Variants in MYO10 observed in about 807,000 individuals in gnomAD.
MYO10 encodes unconventional myosin-X.
A neutral mutation model predicts 257.3 loss-of-function variants in MYO10; 133 were observed. The observed-to-expected ratio is 0.52, with a 90% CI of 0.45 to 0.60. The LOEUF is 0.60. Ranked by LOEUF, MYO10 falls within the 20% of genes least tolerant of loss-of-function variation. The probability of loss-of-function intolerance (pLI) is 0.00; values close to 1 mark genes in which losing one functional copy is unlikely to be tolerated. For missense variants in MYO10, 2,399 were observed against 2,635.7 expected, an observed-to-expected ratio of 0.91 and a Z score of 1.97; for synonymous variants, 1,104 against 1,028.6, an observed-to-expected ratio of 1.07 and a Z score of -1.40.
At chr5:16,918,533 G>C (rs1390043931) in intron 1 of MYO10, among the ~76,000 whole-genome samples, 1 of 114,266 alleles carries the variant, frequency 8.8e-6, no homozygotes, top group African/African-American at 3.4e-5. Flanking sequence ...ACAGAGTTTC[G>C]CTCTTGTTGC....
At chr5:16,717,926 C>T (rs897609660) in intron 19 of MYO10, among the ~76,000 whole-genome samples, 1 of 152,232 alleles carries the variant, frequency 6.6e-6, no homozygotes, top group African/African-American at 2.4e-5. Context: ...GGAGCCCACT[C>T]CCTCAGCTTG....
intron 1 of MYO10, among the ~76,000 whole-genome samples, chr5:16,878,142 G>C (rs1168698399): frequency 1.3e-5 from 2 of 152,148 alleles, no homozygotes; most frequent in African/African-American, 4.8e-5. Flanking sequence ...GTTTAACTAG[G>C]TCTCAACAAG....
At chr5:16,703,966 C>T (rs967860732) in intron 22 of MYO10, among the ~76,000 whole-genome samples, 1 of 150,464 alleles carries the variant, frequency 6.6e-6, no homozygotes, top group South Asian at 2.1e-4. Flanking sequence ...AATGATAACA[C>T]CAAGGTGAAC....
intron 12 of MYO10, 100 bp from the exon 13 acceptor site, chr5:16,763,855 A>G (rs533887870): frequency 2.1e-5 from 17 of 793,896 alleles, no homozygotes; most frequent in Admixed American, 7.7e-5. Flanking sequence ...AAAAATATCA[A>G]TGCCTGTTGT....
intron 2 of MYO10, among the ~76,000 whole-genome samples, chr5:16,847,423 C>G (rs1324876579): frequency 7.4e-6 from 1 of 134,320 alleles, no homozygotes; most frequent in Non-Finnish European, 1.6e-5. Flanking sequence ...GACTCCACCT[C>G]AAAAAAAAAA....
At chr5:16,803,719 A>ATAC (rs1179034817) in intron 3 of MYO10, among the ~76,000 whole-genome samples, 1 of 152,244 alleles carries the variant, frequency 6.6e-6, no homozygotes, top group African/African-American at 2.4e-5. Context: ...AAAGGAAAGA[A>ATAC]TATGTAAAAT....
intron 27 of MYO10, among the ~76,000 whole-genome samples, chr5:16,691,614 ACTT>A (rs1200853192): frequency 6.6e-6 from 1 of 151,130 alleles, no homozygotes; most frequent in African/African-American, 2.4e-5. Flanking sequence ...CAGGAGAATC[ACTT>A]GAACCCTGGA....
At chr5:16,752,757 C>A (rs1362058604) in intron 19 of MYO10, among the ~76,000 whole-genome samples, 1 of 152,180 alleles carries the variant, frequency 6.6e-6, no homozygotes, top group Non-Finnish European at 1.5e-5. Flanking sequence ...ATACTGCCCA[C>A]CAGAGTGTAC....
intron 40 of MYO10, among the ~76,000 whole-genome samples, chr5:16,667,715 C>T (rs899301780): frequency 1.3e-5 from 2 of 152,168 alleles, no homozygotes; most frequent in African/African-American, 4.8e-5. Context: ...CCTCTCCACT[C>T]ACCACGTTGA....
chr5:16,694,277 C>A (rs1465942220), intron 27 of MYO10, 94 bp downstream of exon 27: 374 of 1,563,542 alleles, frequency 2.4e-4, no homozygotes, highest in Middle Eastern at 3.9e-4. Flanking sequence ...CTACAGGCTA[C>A]TGCCGCTGCA....
chr5:16,778,392 TTAACA>T (rs1197212309), intron 9 of MYO10, among the ~76,000 whole-genome samples: 1 of 152,168 alleles, frequency 6.6e-6, no homozygotes, highest in Non-Finnish European at 1.5e-5. Context: ...GGATGATACC[TTAACA>T]TGAGACAGCC....
chr5:16,715,830 TG>T (rs1363103206), intron 19 of MYO10, among the ~76,000 whole-genome samples: 1 of 151,968 alleles, frequency 6.6e-6, no homozygotes, highest in Non-Finnish European at 1.5e-5. Flanking sequence ...GCGAGGCAGG[TG>T]GATCACCTGA....
intron 2 of MYO10, among the ~76,000 whole-genome samples, chr5:16,822,243 A>G (rs907785823): frequency 3.3e-5 from 5 of 149,352 alleles, no homozygotes; most frequent in Non-Finnish European, 7.4e-5. Context: ...TACGTGACAA[A>G]CTAAACTTAA....
chr5:16,787,106 T>G (rs1411202893), intron 4 of MYO10, among the ~76,000 whole-genome samples: 2 of 151,946 alleles, frequency 1.3e-5, no homozygotes, highest in African/African-American at 4.8e-5. Context: ...GAGGCGGAGG[T>G]TGCAGTGAGC....
chr5:16,888,517 C>T (rs1204412540), intron 1 of MYO10, among the ~76,000 whole-genome samples: 3 of 151,780 alleles, frequency 2.0e-5, no homozygotes, highest in South Asian at 2.1e-4. Context: ...ACTACTTGAA[C>T]CCAGGAGGGA....
chr5:16,932,128 T>A lies in MYO10; in HGVS notation c.21+3660A>T, dbSNP rs78862809. Reference sequence around the variant, plus strand: ...GAAGAAACAGGTATGTCTGGAATATTTTCCACTAACAATTTATCCCTTAAA... The same window carrying A: ...GAAGAAACAGGTATGTCTGGAATATATTCCACTAACAATTTATCCCTTAAA... On this transcript the variant is annotated intron_variant, in intron 1 of 40. Coordinates refer to ENST00000513610, the MANE Select transcript of MYO10 (RefSeq NM_012334.3). Among the ~76,000 whole-genome samples, 547 of 152,360 alleles carry A rather than the reference T, an allele frequency of 3.6e-3. 4 individuals are homozygous for A. Among genetic ancestry groups the A allele is most frequent in the Middle Eastern group, 0.01 (3 of 294 alleles).
chr5:16,704,536 T>A, intron 22 of MYO10, 43 bp downstream of exon 22: 1 of 1,527,532 alleles, frequency 6.5e-7, no homozygotes, highest in South Asian at 1.1e-5. Flanking sequence ...AAGGACCCCC[T>A]CATGGAGCTT....
chr5:16,691,698 CA>C (rs34616596), intron 27 of MYO10, among the ~76,000 whole-genome samples: 24,721 of 134,006 alleles, frequency 0.18, 2,408 homozygotes, highest in East Asian at 0.32. Context: ...GACTCTGTAT[CA>C]AAAAAAAAAA....
chr5:16,928,223 T>C (rs576396301), intron 1 of MYO10, among the ~76,000 whole-genome samples: 4 of 152,170 alleles, frequency 2.6e-5, no homozygotes, highest in Non-Finnish European at 5.9e-5. Context: ...TATTACAATT[T>C]TGGAGACAGT....
Sources: gnomAD v4.1 joint callset for allele counts (sites outside exome capture counted in the v4.1 genomes callset) on GRCh38, gnomAD v4.1.1 for gene constraint, MANE v1.5 for transcripts, NCBI Gene and HGNC (gene_info 2026-07-23, HGNC 2026-07-21) for gene names.